DDRGK1: variants seen among roughly 807,000 people sequenced by gnomAD.
The protein encoded by DDRGK1 is DDRGK domain-containing protein 1.
In DDRGK1, 38 loss-of-function variants were observed where a neutral mutation model predicts 45.8. That is an observed-to-expected ratio of 0.83 (90% confidence interval 0.64 to 1.09). The LOEUF (loss-of-function observed/expected upper bound fraction) is 1.09. Among genes scored for constraint, DDRGK1 ranks in the 50% least tolerant of loss-of-function variants. The pLI is 0.00. For missense variants in DDRGK1, 403 were observed against 419.9 expected, an observed-to-expected ratio of 0.96 and a Z score of 0.35; for synonymous variants, 171 against 168.7, an observed-to-expected ratio of 1.01 and a Z score of -0.11.
At position 3,190,391 on chromosome 20, in the gene DDRGK1, A is replaced by C; in HGVS notation, c.*262T>G. ...TATTTTCTTGAATGAATGGATTCAT[A>C]ATAAGAACAGGACTTCACCAGCTTC... On this transcript the variant is annotated 3_prime_UTR_variant, in exon 9 of 9. Transcript: ENST00000354488. 4.3e-6 allele frequency: 2 copies of C among 464,218 alleles called. No individual in the cohort carries two copies. Among genetic ancestry groups the C allele is most frequent in the African/African-American group, 4.0e-5 (2 of 50,464 alleles). The allele number at this position is 464,218 out of a possible 1,614,324, so 28.8% of individuals were successfully genotyped here. A position where few individuals can be genotyped will look rare whatever the true frequency, so the allele number is the denominator to read the frequency against.
chr20:3,191,887 C>T (rs923223902), intron 6 of DDRGK1, 66 bp from the exon 7 acceptor site: 1 of 1,516,122 alleles, frequency 6.6e-7, no homozygotes, highest in African/African-American at 1.4e-5. Context: ...GCATGGGCAC[C>T]CTCCAGGTTT....
At position 3,190,942 on chromosome 20, in the gene DDRGK1, T is replaced by C. The variant is rs116920518; in HGVS notation, c.779-123A>G. The C allele has an allele frequency of 6.4e-6, 9 of 1,397,914 alleles. No individual in the cohort carries two copies. The East Asian group carries it at 2.3e-4, about 35-fold the overall frequency. The allele number at this position is 1,397,914 out of a possible 1,614,324, so 86.6% of individuals were successfully genotyped here. A position where few individuals can be genotyped will look rare whatever the true frequency, so the allele number is the denominator to read the frequency against. The stretch of plus-strand genomic sequence containing the variant: ...TTCCGGCCTCCTGCCTGCCTGGACT[T>C]TCCTGGCTGCATCCAGTCCTGCTAG... On this transcript the variant is annotated intron_variant, in intron 8 of 8. Transcript: ENST00000354488.
chr20:3,190,941 T>A, intron 8 of DDRGK1, 122 bp from the exon 9 acceptor site: 1 of 1,404,304 alleles, frequency 7.1e-7, no homozygotes, highest in Non-Finnish European at 9.6e-7. Context: ...CTGCCTGGAC[T>A]TTCCTGGCTG....
At chr20:3,200,541 CAG>C (rs2067032418) in intron 2 of DDRGK1, 87 bp from the exon 3 acceptor site, 2 of 1,195,568 alleles carry the variant, frequency 1.7e-6, no homozygotes, top group African/African-American at 1.5e-5. Flanking sequence ...CCTCCCCTAA[CAG>C]GGGGATCCCC....
chr20:3,197,034 C>T (rs1248458404), intron 4 of DDRGK1, among the ~76,000 whole-genome samples: 1 of 151,734 alleles, frequency 6.6e-6, no homozygotes, highest in Admixed American at 6.6e-5. Flanking sequence ...ACCATCCTGG[C>T]CAACATGGTG....
chr20:3,204,420 G>C, intron 1 of DDRGK1, 117 bp downstream of exon 1: 11 of 1,031,590 alleles, frequency 1.1e-5, no homozygotes, highest in Non-Finnish European at 1.4e-5. Context: ...GCACGGACGC[G>C]CATGCGTCCC....
intron 2 of DDRGK1, among the ~76,000 whole-genome samples, chr20:3,201,826 TTTTTTA>T (rs1338980250): frequency 5.3e-5 from 8 of 149,880 alleles, no homozygotes; most frequent in African/African-American, 2.0e-4. Context: ...CCCCCCTGAT[TTTTTTA>T]TTTTTATTTT....
rs1568498153 is a variant in DDRGK1, at chr20:3,190,418, A to G, written c.*235T>C. The G allele has an allele frequency of 7.4e-6, 4 of 540,446 alleles. No homozygotes were observed. Among genetic ancestry groups the G allele is most frequent in the African/African-American group, 3.8e-5 (2 of 52,348 alleles). 33.5% of individuals were successfully genotyped at this position (540,446 alleles called of 1,614,324 possible). A position where few individuals can be genotyped will look rare whatever the true frequency, so the allele number is the denominator to read the frequency against. ...TAAGAACAGGACTTCACCAGCTTCCAAGGGACCCTCCCCACCTCTCGGATA... is the reference window on the plus strand; with the variant it reads ...TAAGAACAGGACTTCACCAGCTTCCGAGGGACCCTCCCCACCTCTCGGATA... On this transcript the variant is annotated 3_prime_UTR_variant, in exon 9 of 9. Coordinates refer to ENST00000354488, the MANE Select transcript of DDRGK1 (RefSeq NM_023935.3).
chr20:3,196,040 C>G (rs1157673139), intron 4 of DDRGK1, among the ~76,000 whole-genome samples: 1 of 152,130 alleles, frequency 6.6e-6, no homozygotes, highest in Non-Finnish European at 1.5e-5. Context: ...CTCGCCCATG[C>G]CCAAAGCATC....
intron 2 of DDRGK1, among the ~76,000 whole-genome samples, chr20:3,202,042 C>T (rs904172483): frequency 9.9e-5 from 15 of 150,796 alleles, no homozygotes; most frequent in Non-Finnish European, 1.3e-4. Flanking sequence ...TGCAGTGGCG[C>T]GATCTCGGCT....
chr20:3,204,620 G>T lies in DDRGK1; in HGVS notation c.8C>A (p.Ala3Glu). 6.3e-7 allele frequency: 1 copy of T among 1,586,588 alleles called. No individual in the cohort carries two copies. Residue 3 changes from alanine (A) to glutamate (E), a missense_variant, in exon 1 of 9, where the codon GCG (alanine) becomes GAG (glutamate). Coordinates refer to ENST00000354488, the MANE Select transcript of DDRGK1 (RefSeq NM_023935.3). Reference sequence around the variant, plus strand: ...CGCCGCTACCAAGTACCACACAGGCGCCACCATGACGAGGGCCTCAGTGCA... The same window carrying T: ...CGCCGCTACCAAGTACCACACAGGCTCCACCATGACGAGGGCCTCAGTGCA... MV[A>E]PVWYLVAAAL...
rs3171339 is a variant in DDRGK1, at chr20:3,190,791, G to A, written c.807C>T (p.Ile269=). 1 of 1,613,678 alleles carries A rather than the reference G, an allele frequency of 6.2e-7. No individual in the cohort carries two copies. Among genetic ancestry groups the A allele is most frequent in the Non-Finnish European group, 8.5e-7 (1 of 1,179,846 alleles). Residue 269 remains isoleucine (I), a synonymous_variant, in exon 9 of 9, where the codon ATC becomes ATT. Transcript: ENST00000354488. ...TGVIDDRGKF[I]YITPEELAAV... is the part of the protein sequence containing the mutation. ...CGGCCAGTTCCTCTGGGGTTATGTAGATGAACTTGCCCCGGTCGTCAATCA... is the reference window on the plus strand; with the variant it reads ...CGGCCAGTTCCTCTGGGGTTATGTAAATGAACTTGCCCCGGTCGTCAATCA...
At chr20:3,194,534 T>G (rs1453049027) in intron 6 of DDRGK1, among the ~76,000 whole-genome samples, 1 of 152,194 alleles carries the variant, frequency 6.6e-6, no homozygotes, top group African/African-American at 2.4e-5. Context: ...TGAAGAGACT[T>G]GAAAACACAC....
chr20:3,191,735 G>A, intron 7 of DDRGK1, 30 bp downstream of exon 7: 2 of 1,586,378 alleles, frequency 1.3e-6, no homozygotes, highest in African/African-American at 1.3e-5. Context: ...TGGCCACACT[G>A]CACACAGCAG....
rs2067002660 is a variant in DDRGK1 at position 3,194,749 on chromosome 20, C to T, written c.672+81G>A. The T allele has an allele frequency of 6.3e-6, 10 of 1,583,082 alleles. No individual in the cohort carries two copies. In the South Asian group the frequency reaches 7.8e-5, roughly 12 times the overall value. On this transcript the variant is annotated intron_variant, in intron 6 of 8. Coordinates refer to ENST00000354488, the MANE Select transcript of DDRGK1 (RefSeq NM_023935.3). ...TCCTGCATGAGCCTGAATGCCCTGC[C>T]TGCAGCCCCCGCTGGAGGCATCCAA...
intron 1 of DDRGK1, 73 bp from the exon 2 acceptor site, chr20:3,203,489 G>A (rs1212139818): frequency 2.8e-6 from 4 of 1,433,672 alleles, no homozygotes; most frequent in Admixed American, 6.0e-5. Flanking sequence ...GCGGCAGCCC[G>A]GAAGCCTCAC....
At chr20:3,201,287 CAAA>C (rs60867959) in intron 2 of DDRGK1, among the ~76,000 whole-genome samples, 51,564 of 93,564 alleles carry the variant, frequency 0.55, 11,788 homozygotes, top group South Asian at 0.62. Flanking sequence ...GACTCTGTCT[CAAA>C]AAAAAAAAAA....
chr20:3,198,392 G>C (rs2067020938), intron 4 of DDRGK1, among the ~76,000 whole-genome samples: 1 of 124,616 alleles, frequency 8.0e-6, no homozygotes, highest in Admixed American at 8.6e-5. Flanking sequence ...GACAGAGAGG[G>C]ACTCTGTCTC....
chr20:3,199,946 GCAAGGCTGCCT>G, intron 4 of DDRGK1, 44 bp downstream of exon 4: 1 of 1,501,064 alleles, frequency 6.7e-7, no homozygotes, highest in Non-Finnish European at 8.9e-7. Context: ...TGCATAAGAA[GCAAGGCTGCCT>G]TGCCTGGTCA....
Sources: allele counts gnomAD v4.1 joint callset (sites outside exome capture counted in the v4.1 genomes callset), GRCh38; gene constraint gnomAD v4.1.1; transcripts MANE v1.5; gene names NCBI Gene and HGNC (gene_info 2026-07-23, HGNC 2026-07-21).